The following RERE variants were observed in gnomAD, a reference collection of about 807,000 sequenced individuals.
RERE encodes the protein arginine-glutamic acid dipeptide repeats.
A neutral mutation model predicts 146.1 loss-of-function variants in RERE; 40 were observed. The ratio of observed to expected loss-of-function variants is 0.27; its 90% CI spans 0.21 to 0.36. The LOEUF (loss-of-function observed/expected upper bound fraction) is 0.36. RERE is among the 10% of genes least tolerant of loss of function. The pLI is 1.00. For synonymous variants in RERE, 1,003 were observed against 866.0 expected (o/e 1.16, Z -2.78); for missense variants, 1,933 against 2,138.7 (o/e 0.90, Z 1.90).
In RERE at chr1:8,427,910, G is replaced by GA. The variant is rs1335042252; in HGVS notation, c.1204-5104dup. On this transcript the variant is annotated intron_variant, in intron 11 of 22. Coordinates refer to ENST00000400908, the MANE Select transcript of RERE (RefSeq NM_001042681.2). ...TCTATAAATTCATCGCTCTTCAAATGAAGACCCCGAAGTTTTTAAGACTTT... is the reference window on the plus strand; with the variant it reads ...TCTATAAATTCATCGCTCTTCAAATGAAAGACCCCGAAGTTTTTAAGACTTT... 2.0e-5 allele frequency among the ~76,000 whole-genome samples: 3 copies of GA among 152,156 alleles called. No individual in the cohort carries two copies. In the East Asian group the frequency reaches 5.8e-4, roughly 29 times the overall value.
chr1:8,547,079 T>A (rs1570421061), intron 6 of RERE, among the ~76,000 whole-genome samples: 1 of 10,514 alleles, frequency 9.5e-5, no homozygotes, highest in East Asian at 0.012. Context: ...ACCAACAAGC[T>A]TTTTTTTTAA....
intron 1 of RERE, among the ~76,000 whole-genome samples, chr1:8,761,039 G>T (rs1640747310): frequency 6.6e-6 from 1 of 152,190 alleles, no homozygotes; most frequent in Non-Finnish European, 1.5e-5. Context: ...GGACAGAGAG[G>T]TGGCAGAACA....
chr1:8,795,438 T>C (rs955051546), intron 1 of RERE, among the ~76,000 whole-genome samples: 1 of 152,036 alleles, frequency 6.6e-6, no homozygotes, highest in African/African-American at 2.4e-5. Context: ...GCTGGAACTA[T>C]AGACATGCCA....
chr1:8,599,470 T>TA (rs1460184207), intron 4 of RERE, among the ~76,000 whole-genome samples: 2 of 152,106 alleles, frequency 1.3e-5, no homozygotes, highest in Non-Finnish European at 2.9e-5. Flanking sequence ...AAAACAAGGT[T>TA]AAAAAAAGTG....
At chr1:8,679,684 T>C (rs1638920463) in intron 1 of RERE, among the ~76,000 whole-genome samples, 3 of 152,208 alleles carry the variant, frequency 2.0e-5, no homozygotes, top group African/African-American at 4.8e-5. Flanking sequence ...TTTTTCTTCA[T>C]AATAAAAACA....
At chr1:8,378,357 AG>A (rs1371125831) in intron 12 of RERE, among the ~76,000 whole-genome samples, 4 of 152,228 alleles carry the variant, frequency 2.6e-5, no homozygotes, top group Non-Finnish European at 5.9e-5. Flanking sequence ...AGCTCCAGGA[AG>A]GAAGGGGAGA....
intron 1 of RERE, chr1:8,786,936 G>A: frequency 1.4e-6 from 1 of 705,224 alleles, no homozygotes; most frequent in East Asian, 2.5e-5. Flanking sequence ...CACCCTCCAT[G>A]GTTCCAGCTG....
chr1:8,793,993 AG>A (rs1315227085), intron 1 of RERE, among the ~76,000 whole-genome samples: 1 of 151,450 alleles, frequency 6.6e-6, no homozygotes, highest in Non-Finnish European at 1.5e-5. Context: ...GCTTGAACCC[AG>A]GGGGTGGAGG....
chr1:8,803,500 T>A (rs1480087181), intron 1 of RERE, among the ~76,000 whole-genome samples: 1 of 151,992 alleles, frequency 6.6e-6, no homozygotes, highest in Non-Finnish European at 1.5e-5. Context: ...GAAGTCACTG[T>A]TCATTATCGA....
intron 1 of RERE, chr1:8,786,399 T>C (rs1641259839): frequency 3.4e-6 from 3 of 877,162 alleles, no homozygotes; most frequent in Non-Finnish European, 5.7e-6. Context: ...TGATGCCATA[T>C]TTACCAAGAG....
At chr1:8,671,154 C>G (rs925147506) in intron 1 of RERE, among the ~76,000 whole-genome samples, 7 of 152,118 alleles carry the variant, frequency 4.6e-5, no homozygotes, top group Non-Finnish European at 1.0e-4. Flanking sequence ...TGCACAAGTA[C>G]TAATAACCAT....
intron 1 of RERE, among the ~76,000 whole-genome samples, chr1:8,664,089 G>A (rs1241032678): frequency 6.6e-6 from 1 of 152,244 alleles, no homozygotes; most frequent in Admixed American, 6.5e-5. Flanking sequence ...AGTCCACAAA[G>A]GCAAGGACCA....
intron 1 of RERE, among the ~76,000 whole-genome samples, chr1:8,747,437 G>A (rs1463214367): frequency 6.6e-6 from 1 of 152,076 alleles, no homozygotes; most frequent in Non-Finnish European, 1.5e-5. Flanking sequence ...GGCCAGAGGT[G>A]ATGAAGGCTC....
chr1:8,642,655 T>C (rs1306333665), intron 2 of RERE, among the ~76,000 whole-genome samples: 1 of 152,250 alleles, frequency 6.6e-6, no homozygotes, highest in Non-Finnish European at 1.5e-5. Context: ...AAATGTTTAA[T>C]TTATAAATGA....
intron 12 of RERE, among the ~76,000 whole-genome samples, chr1:8,400,182 A>G (rs1291926075): frequency 7.1e-6 from 1 of 139,962 alleles, no homozygotes; most frequent in Non-Finnish European, 1.6e-5. Flanking sequence ...TATATCACCT[A>G]CAAATCAGTT....
At chr1:8,683,061 G>C (rs1222737919) in intron 1 of RERE, among the ~76,000 whole-genome samples, 1 of 128,190 alleles carries the variant, frequency 7.8e-6, no homozygotes, top group Non-Finnish European at 1.7e-5. Flanking sequence ...AAAAAGAATG[G>C]AACTCAAAAA....
intron 19 of RERE, 104 bp from the exon 20 acceptor site, chr1:8,359,020 C>G (rs765506010): frequency 1.0e-5 from 14 of 1,381,636 alleles, no homozygotes; most frequent in Non-Finnish European, 1.3e-5. Flanking sequence ...CCTGCTCTGA[C>G]AGGCCAACCT....
At position 8,360,513 on chromosome 1, in the gene RERE, G is replaced by A. The variant is rs765526082; in HGVS notation, c.2994C>T (p.Pro998=). Reference sequence around the variant, plus strand: ...GCCCGGGGGGCTGGGCGGGCGAGGAGGGCAATGGCTGGCTCTGAGGCATGA... The same window carrying A: ...GCCCGGGGGGCTGGGCGGGCGAGGAAGGCAATGGCTGGCTCTGAGGCATGA... ...LQLMPQSQPL[P]SSPAQPPGLT... is the part of the protein sequence containing the mutation. Residue 998 remains proline (P), a synonymous_variant, in exon 18 of 23, where the codon CCC becomes CCT. Coordinates refer to ENST00000400908, the MANE Select transcript of RERE (RefSeq NM_001042681.2). 1 of 1,312,060 alleles carries A rather than the reference G, an allele frequency of 7.6e-7. No individual in the cohort carries two copies. The highest frequency in any genetic ancestry group is 1.0e-6 in the Non-Finnish European group (1 of 1,002,522). 81.3% of individuals were successfully genotyped at this position (1,312,060 alleles called of 1,614,324 possible). A position where few individuals can be genotyped will look rare whatever the true frequency, so the allele number is the denominator to read the frequency against.
chr1:8,628,175 A>G (rs1270514887), intron 2 of RERE, among the ~76,000 whole-genome samples: 2 of 152,242 alleles, frequency 1.3e-5, no homozygotes, highest in Non-Finnish European at 2.9e-5. Flanking sequence ...AAAATGGGTG[A>G]GTGCATCAAG....
Sources: gnomAD v4.1 joint callset for allele counts (sites outside exome capture counted in the v4.1 genomes callset) on GRCh38, gnomAD v4.1.1 for gene constraint, MANE v1.5 for transcripts, NCBI Gene and HGNC (gene_info 2026-07-23, HGNC 2026-07-21) for gene names.